CSMD1: variants seen among roughly 807,000 people sequenced by gnomAD.
CSMD1 encodes the protein CUB and sushi domain-containing protein 1.
In CSMD1, 213 loss-of-function variants were observed where a neutral mutation model predicts 417.5. The observed-to-expected ratio is 0.51, with a 90% CI of 0.46 to 0.57. CSMD1 has a LOEUF of 0.57. CSMD1 is among the 20% of genes least tolerant of loss of function. The pLI, the probability that CSMD1 is intolerant of heterozygous loss-of-function variation, is 0.00. For synonymous variants in CSMD1, 2,862 were observed against 1,736.8 expected (o/e 1.65, Z -16.11); for missense variants, 6,923 against 4,529.7 (o/e 1.53, Z -15.17).
chr8:2,957,866 A>C (rs569424044), intron 62 of CSMD1, 59 bp from the exon 63 acceptor site: 1 of 1,167,104 alleles, frequency 8.6e-7, no homozygotes, highest in Admixed American at 2.0e-5. Flanking sequence ...AGTGTCAACT[A>C]GTGATACCTG....
chr8:3,599,245 A>T (rs1484676902), intron 8 of CSMD1, among the ~76,000 whole-genome samples: 1 of 152,046 alleles, frequency 6.6e-6, no homozygotes, highest in South Asian at 2.1e-4. Flanking sequence ...TGATTACTGC[A>T]GTCAAGCAAA....
intron 23 of CSMD1, among the ~76,000 whole-genome samples, chr8:3,325,496 C>A (rs555235840): frequency 2.0e-4 from 31 of 152,220 alleles, no homozygotes; most frequent in Non-Finnish European, 3.5e-4. Context: ...TGGCCAACAA[C>A]TTATTCCTCA....
intron 12 of CSMD1, among the ~76,000 whole-genome samples, chr8:3,451,600 A>G (rs1000248846): frequency 6.6e-6 from 1 of 152,116 alleles, no homozygotes; most frequent in African/African-American, 2.4e-5. Context: ...TGTTTTTGTC[A>G]GGTTTGTCAA....
intron 3 of CSMD1, among the ~76,000 whole-genome samples, chr8:4,370,865 C>G (rs923370072): frequency 6.6e-6 from 1 of 152,176 alleles, no homozygotes; most frequent in Admixed American, 6.5e-5. Context: ...GTTTCAACCT[C>G]CTCTTGTATC....
At chr8:3,134,377 C>A (rs1817961642) in intron 41 of CSMD1, among the ~76,000 whole-genome samples, 1 of 152,106 alleles carries the variant, frequency 6.6e-6, no homozygotes, top group South Asian at 2.1e-4. Context: ...CAGGCAGCAC[C>A]TGCATCCAAC....
chr8:3,616,504 G>A (rs1282920171), intron 8 of CSMD1, among the ~76,000 whole-genome samples: 1 of 152,144 alleles, frequency 6.6e-6, no homozygotes, highest in African/African-American at 2.4e-5. Flanking sequence ...AGCAGTGTGA[G>A]AAGGGACTAA....
chr8:4,378,191 C>T lies in CSMD1; in HGVS notation c.415+41762G>A, dbSNP rs905752992. On this transcript the variant is annotated intron_variant, in intron 3 of 69. Transcript: ENST00000635120. ...CTCTAGATATTGCGACTCTAATCGGCGTCCAACGAATTAGTCGTGTTATGT... is the reference window on the plus strand; with the variant it reads ...CTCTAGATATTGCGACTCTAATCGGTGTCCAACGAATTAGTCGTGTTATGT... 5.9e-5 allele frequency among the ~76,000 whole-genome samples: 9 copies of T among 152,270 alleles called. No individual in the cohort carries two copies. The South Asian group carries it at 8.3e-4, about 14-fold the overall frequency.
intron 54 of CSMD1, among the ~76,000 whole-genome samples, chr8:2,993,594 G>A (rs897854809): frequency 2.0e-4 from 31 of 152,126 alleles, no homozygotes; most frequent in African/African-American, 7.5e-4. Context: ...TCAAAAGCAA[G>A]AATAAAGCTG....
intron 36 of CSMD1, among the ~76,000 whole-genome samples, chr8:3,186,836 C>T (rs1158585187): frequency 6.6e-6 from 1 of 152,206 alleles, no homozygotes; most frequent in East Asian, 1.9e-4. Context: ...AGTAGCTAAT[C>T]TTTGTTCTTC....
rs147980764 is a variant in CSMD1 at position 3,152,585 on chromosome 8, T to C, written c.5915-1072A>G. Among the ~76,000 whole-genome samples the C allele has an allele frequency of 1.5e-4, 23 of 152,338 alleles. No homozygotes were observed. The East Asian group carries it at 4.2e-3, about 28-fold the overall frequency. On this transcript the variant is annotated intron_variant, in intron 39 of 69. Transcript: ENST00000635120. ...AGAAATAGCTAAAACTTAAGTCTAG[T>C]GAATATGGTGATTGCTCAAGCCAGG...
At chr8:3,993,909 G>A (rs926930426) in intron 5 of CSMD1, among the ~76,000 whole-genome samples, 1 of 152,146 alleles carries the variant, frequency 6.6e-6, no homozygotes, top group African/African-American at 2.4e-5. Context: ...ATTTCCACGT[G>A]GAAACGTGCA....
At chr8:4,015,679 A>G (rs1319254784) in intron 4 of CSMD1, among the ~76,000 whole-genome samples, 1 of 151,508 alleles carries the variant, frequency 6.6e-6, no homozygotes, top group African/African-American at 2.4e-5. Flanking sequence ...AAAAAAAAAA[A>G]AAAACTCAAG....
At chr8:4,028,291 T>C (rs1251202473) in intron 4 of CSMD1, among the ~76,000 whole-genome samples, 1 of 152,148 alleles carries the variant, frequency 6.6e-6, no homozygotes, top group Non-Finnish European at 1.5e-5. Flanking sequence ...TTTTCCTACC[T>C]GAAGTCCAGA....
intron 5 of CSMD1, among the ~76,000 whole-genome samples, chr8:3,852,989 TCTTGA>T (rs1804020649): frequency 6.6e-6 from 1 of 152,130 alleles, no homozygotes; most frequent in African/African-American, 2.4e-5. Context: ...CCAAGAGTGT[TCTTGA>T]CTTGACATCA....
intron 30 of CSMD1, among the ~76,000 whole-genome samples, chr8:3,207,315 T>A (rs1333470852): frequency 8.0e-6 from 1 of 124,848 alleles, no homozygotes; most frequent in African/African-American, 2.9e-5. Flanking sequence ...ACCTGGCTGA[T>A]TTTTTTTTTT....
intron 10 of CSMD1, among the ~76,000 whole-genome samples, chr8:3,554,865 G>C (rs750359588): frequency 2.6e-5 from 4 of 152,130 alleles, no homozygotes; most frequent in Non-Finnish European, 5.9e-5. Flanking sequence ...AGCAGGCAGG[G>C]AGCCCCCTGC....
intron 3 of CSMD1, among the ~76,000 whole-genome samples, chr8:4,051,811 A>C (rs1405618222): frequency 6.6e-6 from 1 of 151,838 alleles, no homozygotes; most frequent in Non-Finnish European, 1.5e-5. Flanking sequence ...CAATACTGAC[A>C]GTTTTCTTCT....
chr8:3,953,965 G>A (rs1040472856), intron 5 of CSMD1, among the ~76,000 whole-genome samples: 10 of 152,150 alleles, frequency 6.6e-5, no homozygotes, highest in Non-Finnish European at 1.2e-4. Context: ...GGCTGGGAGC[G>A]CACAGGAGCC....
At chr8:4,453,637 C>T (rs1305630693) in intron 2 of CSMD1, among the ~76,000 whole-genome samples, 1 of 151,970 alleles carries the variant, frequency 6.6e-6, no homozygotes, top group Non-Finnish European at 1.5e-5. Flanking sequence ...ATAGAACTGG[C>T]ATGTGTATCT....
Sources: gnomAD v4.1 joint callset for allele counts (sites outside exome capture counted in the v4.1 genomes callset) on GRCh38, gnomAD v4.1.1 for gene constraint, MANE v1.5 for transcripts, NCBI Gene and HGNC (gene_info 2026-07-23, HGNC 2026-07-21) for gene names.